SYT14: variants seen among roughly 807,000 people sequenced by gnomAD.
SYT14 encodes the protein synaptotagmin-14.
SYT14 carries 32 observed loss-of-function variants against 74.2 expected under a neutral mutation model. The ratio of observed to expected loss-of-function variants is 0.43; its 90% CI spans 0.33 to 0.58. The LOEUF (loss-of-function observed/expected upper bound fraction) is 0.58. SYT14 is among the 20% of genes least tolerant of loss of function. SYT14 has a pLI of 0.05. For synonymous variants in SYT14, 298 were observed against 337.7 expected (o/e 0.88, Z 1.29); for missense variants, 791 against 981.8 (o/e 0.81, Z 2.60).
chr1:210,001,028 G>C (rs2079891590), intron 2 of SYT14, among the ~76,000 whole-genome samples: 1 of 152,230 alleles, frequency 6.6e-6, no homozygotes, highest in African/African-American at 2.4e-5. Context: ...AAGGACTCTT[G>C]TTTTCACTGA....
intron 5 of SYT14, among the ~76,000 whole-genome samples, chr1:210,066,164 G>C (rs2081292342): frequency 6.6e-6 from 1 of 151,914 alleles, no homozygotes; most frequent in South Asian, 2.1e-4. Flanking sequence ...CTTTGCTATT[G>C]TGAATAGTGC....
At chr1:210,016,564 T>G in exon 4 of SYT14, 1 of 1,231,944 alleles carries the variant, frequency 8.1e-7, no homozygotes, top group Non-Finnish European at 1.0e-6. Context: ...ATGGTAAGAA[T>G]GATTTAAAGG....
At chr1:210,008,461 T>TCAGGCAATTCTCCTGCCTC (rs2080028846) in intron 2 of SYT14, among the ~76,000 whole-genome samples, 2 of 152,224 alleles carry the variant, frequency 1.3e-5, no homozygotes, top group African/African-American at 4.8e-5. Flanking sequence ...CCTCCTGGCT[T>TCAGGCAATTCTCCTGCCTC]CAGGCAATTC....
At chr1:210,109,211 A>G (rs2082214205) in intron 7 of SYT14, among the ~76,000 whole-genome samples, 1 of 152,196 alleles carries the variant, frequency 6.6e-6, no homozygotes, top group Non-Finnish European at 1.5e-5. Context: ...GCTCATCATT[A>G]CTAGGCATTA....
chr1:209,974,692 C>T (rs929874144), intron 2 of SYT14, among the ~76,000 whole-genome samples: 23 of 151,904 alleles, frequency 1.5e-4, no homozygotes, highest in South Asian at 1.0e-3. Flanking sequence ...CTTGGCAATG[C>T]GGGCTCTTTT....
Position 209,951,157 on chromosome 1 carries a change from A to G in SYT14, c.-533-1552A>G, listed in dbSNP as rs547681281. 3.9e-5 allele frequency among the ~76,000 whole-genome samples: 6 copies of G among 152,274 alleles called. No individual in the cohort carries two copies. In the South Asian group the frequency reaches 1.2e-3, roughly 32 times the overall value. ...TTTAAGGTCTATTCTTGGATTAGCA[A>G]TTTTGAAATATACAACACATTATTA... is the stretch of plus-strand genomic sequence containing the variant. On this transcript the variant is annotated intron_variant, in intron 1 of 9. Coordinates refer to ENST00000637265, the Ensembl canonical transcript of SYT14.
exon 7 of SYT14, chr1:210,100,169 A>G (rs775364597): frequency 6.2e-7 from 1 of 1,614,072 alleles, no homozygotes. Context: ...CCAACATATA[A>G]CAGGACAGGT....
intron 7 of SYT14, among the ~76,000 whole-genome samples, chr1:210,111,119 A>G (rs2082254036): frequency 6.6e-6 from 1 of 152,230 alleles, no homozygotes; most frequent in Non-Finnish European, 1.5e-5. Context: ...GAGACCACCA[A>G]ACAGGCTTTG....
At chr1:210,068,372 C>T (rs2081334393) in intron 5 of SYT14, among the ~76,000 whole-genome samples, 1 of 151,634 alleles carries the variant, frequency 6.6e-6, no homozygotes, top group East Asian at 1.9e-4. Flanking sequence ...TATTTCTTCT[C>T]TTGCTATCTT....
chr1:209,971,177 C>G (rs1256521878), intron 2 of SYT14, among the ~76,000 whole-genome samples: 1 of 152,080 alleles, frequency 6.6e-6, no homozygotes. Context: ...TGGCTTGGCT[C>G]TCAGCTTAAA....
intron 2 of SYT14, among the ~76,000 whole-genome samples, chr1:209,972,291 G>A (rs924555391): frequency 1.5e-4 from 23 of 151,576 alleles, no homozygotes; most frequent in Admixed American, 2.6e-4. Context: ...GTTGTTTATC[G>A]TTTCAAAGAA....
intron 5 of SYT14, among the ~76,000 whole-genome samples, chr1:210,081,759 A>G (rs12061641): frequency 0.05 from 7,591 of 152,324 alleles, 1,043 homozygotes; most frequent in East Asian, 0.42. Context: ...TGAACTACCC[A>G]ACTACCTAGT....
intron 5 of SYT14, among the ~76,000 whole-genome samples, chr1:210,059,447 T>TAGAGAGAGAGAGAG (rs1466056446): frequency 1.6e-4 from 15 of 94,750 alleles, no homozygotes; most frequent in Non-Finnish European, 2.8e-4. Context: ...TATATATATA[T>TAGAGAGAGAGAGAG]ATATAGAGAG....
exon 10 of SYT14, chr1:210,161,508 C>T: frequency 6.6e-6 from 3 of 453,976 alleles, no homozygotes; most frequent in Non-Finnish European, 8.8e-6. Context: ...AGTTCTCCAA[C>T]TCTATCATAA....
chr1:210,087,746 C>T (rs1201604188), intron 5 of SYT14, among the ~76,000 whole-genome samples: 2 of 152,130 alleles, frequency 1.3e-5, no homozygotes, highest in South Asian at 2.1e-4. Flanking sequence ...ACATGGACAC[C>T]CTTCTGTCAT....
intron 2 of SYT14, among the ~76,000 whole-genome samples, chr1:209,963,456 G>A (rs1047583764): frequency 6.6e-6 from 1 of 152,092 alleles, no homozygotes; most frequent in Admixed American, 6.6e-5. Context: ...CTAAGACTTA[G>A]GCAGAGGAAT....
At chr1:209,974,277 G>A (rs75508873) in intron 2 of SYT14, among the ~76,000 whole-genome samples, 65,060 of 151,774 alleles carry the variant, frequency 0.43, 16,105 homozygotes, top group Non-Finnish European at 0.56. Context: ...TAGACATGAA[G>A]TCCTTGCCCA....
At chr1:210,120,608 C>T (rs2102608368) in intron 7 of SYT14, among the ~76,000 whole-genome samples, 1 of 152,248 alleles carries the variant, frequency 6.6e-6, no homozygotes, top group South Asian at 2.1e-4. Context: ...GCTATACCAT[C>T]TAGGTTTGTG....
At chr1:210,133,965 A>G (rs2082729729) in intron 7 of SYT14, among the ~76,000 whole-genome samples, 1 of 151,854 alleles carries the variant, frequency 6.6e-6, no homozygotes, top group Non-Finnish European at 1.5e-5. Context: ...TCATTTGTAT[A>G]GGCAGAGACA....
Sources: allele counts gnomAD v4.1 joint callset (sites outside exome capture counted in the v4.1 genomes callset), GRCh38; gene constraint gnomAD v4.1.1; transcripts MANE v1.5; gene names NCBI Gene and HGNC (gene_info 2026-07-23, HGNC 2026-07-21).